NXPH2: variants seen among roughly 807,000 people sequenced by gnomAD.
The protein encoded by NXPH2 is neurexophilin-2.
Under a neutral mutation model 19.8 loss-of-function variants are expected in NXPH2, and 5 were observed. The observed-to-expected ratio is 0.25, with a 90% CI of 0.13 to 0.53. The LOEUF (loss-of-function observed/expected upper bound fraction) is 0.53. Ranked by LOEUF, NXPH2 falls within the 20% of genes least tolerant of loss-of-function variation. The pLI, the probability that NXPH2 is intolerant of heterozygous loss-of-function variation, is 0.96. For synonymous variants in NXPH2, 154 were observed against 127.4 expected (o/e 1.21, Z -1.41); for missense variants, 289 against 322.8 (o/e 0.90, Z 0.80).
At chr2:138,720,849 A>C (rs943304994) in intron 1 of NXPH2, among the ~76,000 whole-genome samples, 5 of 152,190 alleles carry the variant, frequency 3.3e-5, no homozygotes, top group Admixed American at 2.6e-4. Flanking sequence ...CCAGATACAA[A>C]GCCCCTTGGA....
At chr2:138,769,249 T>C (rs1682136889) in intron 1 of NXPH2, among the ~76,000 whole-genome samples, 2 of 152,058 alleles carry the variant, frequency 1.3e-5, no homozygotes, top group Admixed American at 6.5e-5. Flanking sequence ...TGGCTGGGGA[T>C]GGAGAGGAAG....
chr2:138,677,923 T>A (rs1288142902), intron 1 of NXPH2, among the ~76,000 whole-genome samples: 5 of 152,208 alleles, frequency 3.3e-5, no homozygotes, highest in African/African-American at 4.8e-5. Context: ...CGTTAACATC[T>A]AACACTATAG....
intron 1 of NXPH2, among the ~76,000 whole-genome samples, chr2:138,686,915 G>A (rs1271670528): frequency 6.6e-6 from 1 of 152,126 alleles, no homozygotes; most frequent in Admixed American, 6.5e-5. Flanking sequence ...GTATTCCATG[G>A]TGTATATGTG....
At position 138,689,470 on chromosome 2, in the gene NXPH2, C is replaced by T. The variant is rs983058959; in HGVS notation, c.52-17805G>A. On this transcript the variant is annotated intron_variant, in intron 1 of 1. Transcript: ENST00000272641. ...TGGGAGGAGTGTCCTCCAGCGTACA[C>T]GGGACAATTAGCAAAGCATCCACTA... 5.9e-5 allele frequency among the ~76,000 whole-genome samples: 9 copies of T among 152,100 alleles called. 1 individual carries two copies. The highest frequency in any genetic ancestry group is 3.9e-4 in the Admixed American group (6 of 15,266).
intron 1 of NXPH2, among the ~76,000 whole-genome samples, chr2:138,739,028 A>G (rs1030020559): frequency 7.9e-5 from 12 of 152,312 alleles, no homozygotes; most frequent in African/African-American, 2.9e-4. Context: ...GAGAGGGGAA[A>G]CTTCTAAATA....
chr2:138,723,388 GA>G (rs1681309393), intron 1 of NXPH2, among the ~76,000 whole-genome samples: 1 of 152,172 alleles, frequency 6.6e-6, no homozygotes, highest in Admixed American at 6.5e-5. Flanking sequence ...CATTTGAGGG[GA>G]AAAAATCAGC....
intron 1 of NXPH2, among the ~76,000 whole-genome samples, chr2:138,698,939 A>C (rs1478652374): frequency 6.6e-6 from 1 of 152,176 alleles, no homozygotes; most frequent in Non-Finnish European, 1.5e-5. Context: ...TGGGACTCAA[A>C]GTACTTTGAT....
At chr2:138,753,854 T>C (rs1475761693) in intron 1 of NXPH2, among the ~76,000 whole-genome samples, 1 of 152,152 alleles carries the variant, frequency 6.6e-6, no homozygotes, top group African/African-American at 2.4e-5. Flanking sequence ...CCATGGAAAA[T>C]AACTTTATTA....
rs1350575100 is a variant in NXPH2 at position 138,671,606 on chromosome 2, T to C, written c.111A>G (p.Lys37=). The change falls in exon 2 of 2, where the codon AAA becomes AAG. Residue 37 remains lysine (K), a synonymous_variant. Coordinates refer to ENST00000272641, the MANE Select transcript of NXPH2 (RefSeq NM_007226.3). The part of the protein sequence containing the change: ...HATEGLDWED[K]DAPGTLVGNV... ...TGCCGACCAACGTCCCTGGAGCATC[T>C]TTGTCTTCCCAATCCAGCCCCTCCG... 6.2e-7 allele frequency: 1 copy of C among 1,609,298 alleles called. No homozygotes were observed. The highest frequency in any genetic ancestry group is 8.5e-7 in the Non-Finnish European group (1 of 1,177,812).
At chr2:138,693,298 C>G (rs1573956427) in intron 1 of NXPH2, among the ~76,000 whole-genome samples, 1 of 152,140 alleles carries the variant, frequency 6.6e-6, no homozygotes, top group African/African-American at 2.4e-5. Context: ...GCATGAGAGT[C>G]CCTCCATCAC....
chr2:138,675,826 G>A (rs910075612), intron 1 of NXPH2, among the ~76,000 whole-genome samples: 2 of 152,034 alleles, frequency 1.3e-5, no homozygotes, highest in Admixed American at 1.3e-4. Flanking sequence ...AAGAGCCCTT[G>A]ATTTTAAGAT....
At position 138,670,094 on chromosome 2, in the gene NXPH2, T is replaced by C. The variant is rs1383758158; in HGVS notation, c.*828A>G. Among the ~76,000 whole-genome samples the C allele has an allele frequency of 2.0e-5, 3 of 152,218 alleles. No individual in the cohort carries two copies. Among genetic ancestry groups the C allele is most frequent in the Non-Finnish European group, 2.9e-5 (2 of 68,036 alleles). On this transcript the variant is annotated 3_prime_UTR_variant, in exon 2 of 2. Coordinates refer to ENST00000272641, the MANE Select transcript of NXPH2 (RefSeq NM_007226.3). ...GTAAAGAATCACACTATCGAATGAA[T>C]TGAATAAAGCTCTAAGCTATAGGAT...
At position 138,671,306 on chromosome 2, in the gene NXPH2, A is replaced by G; in HGVS notation, c.411T>C (p.His137=). 1 of 1,613,854 alleles carries G rather than the reference A, an allele frequency of 6.2e-7. No individual in the cohort carries two copies. The highest frequency in any genetic ancestry group is 8.5e-7 in the Non-Finnish European group (1 of 1,179,788). ...AATACACACTGAAGGTTCCATTTCC[A>G]TGGTCAACAATTTTCCCTGTGATGA... ...NLLITGKIVD[H]GNGTFSVYFR... Residue 137 remains histidine, a synonymous_variant, in exon 2 of 2, where the codon CAT becomes CAC. Transcript: ENST00000272641.
intron 1 of NXPH2, among the ~76,000 whole-genome samples, chr2:138,751,848 T>TA (rs374725644): frequency 1.8e-4 from 27 of 152,132 alleles, no homozygotes; most frequent in African/African-American, 6.0e-4. Context: ...TTGTAAGTAA[T>TA]ACTGAATTTA....
At chr2:138,773,611 T>C (rs1195861190) in intron 1 of NXPH2, among the ~76,000 whole-genome samples, 1 of 152,204 alleles carries the variant, frequency 6.6e-6, no homozygotes, top group African/African-American at 2.4e-5. Flanking sequence ...ATACATTATT[T>C]CTTAAATTAC....
At position 138,670,812 on chromosome 2, in the gene NXPH2, T is replaced by A. The variant is rs1281513234; in HGVS notation, c.*110A>T. The stretch of plus-strand genomic sequence containing the variant: ...ATTTGAAAACCTGATAGGGAACTAT[T>A]GTTCACTGCCAGAAACAAAAGGGAT... On this transcript the variant is annotated 3_prime_UTR_variant, in exon 2 of 2. Coordinates refer to ENST00000272641, the MANE Select transcript of NXPH2 (RefSeq NM_007226.3). The A allele has an allele frequency of 2.5e-6, 3 of 1,177,624 alleles. No homozygotes were observed. The highest frequency in any genetic ancestry group is 3.5e-6 in the Non-Finnish European group (3 of 851,904). The allele number at this position is 1,177,624 out of a possible 1,614,324, so 72.9% of individuals were successfully genotyped here.
chr2:138,691,961 A>G (rs1197443066), intron 1 of NXPH2, among the ~76,000 whole-genome samples: 1 of 152,200 alleles, frequency 6.6e-6, no homozygotes, highest in Non-Finnish European at 1.5e-5. Context: ...TAAGACATCA[A>G]ATTTTATGGT....
chr2:138,741,885 G>C (rs1681647949), intron 1 of NXPH2, among the ~76,000 whole-genome samples: 1 of 152,178 alleles, frequency 6.6e-6, no homozygotes, highest in Admixed American at 6.5e-5. Flanking sequence ...GCATTCATTT[G>C]GGGGCATTAA....
intron 1 of NXPH2, among the ~76,000 whole-genome samples, chr2:138,752,719 C>A (rs1335619689): frequency 6.6e-6 from 1 of 152,102 alleles, no homozygotes; most frequent in African/African-American, 2.4e-5. Flanking sequence ...ATTTAGCTAT[C>A]GTGTCTCCTG....
Sources: allele counts gnomAD v4.1 joint callset (sites outside exome capture counted in the v4.1 genomes callset), GRCh38; gene constraint gnomAD v4.1.1; transcripts MANE v1.5; gene names NCBI Gene and HGNC (gene_info 2026-07-23, HGNC 2026-07-21).